Variants in PLXNC1 observed in about 807,000 individuals in gnomAD.
The protein encoded by PLXNC1 is plexin C1, also known as plexin-C1.
A neutral mutation model predicts 178.2 loss-of-function variants in PLXNC1; 75 were observed. The observed-to-expected ratio is 0.42, with a 90% CI of 0.35 to 0.51. The LOEUF (loss-of-function observed/expected upper bound fraction) is 0.51. Ranked by LOEUF, PLXNC1 falls within the 20% of genes least tolerant of loss-of-function variation. The pLI is 0.02. For missense variants in PLXNC1, 1,503 were observed against 1,984.4 expected (o/e 0.76, Z 4.61); for synonymous variants, 790 against 779.9 (o/e 1.01, Z -0.22).
At chr12:94,232,549 C>G (rs1964133917) in intron 9 of PLXNC1, among the ~76,000 whole-genome samples, 1 of 152,224 alleles carries the variant, frequency 6.6e-6, no homozygotes, top group Non-Finnish European at 1.5e-5. Flanking sequence ...AATTAACTTA[C>G]AATCATTCAT....
Position 94,259,744 on chromosome 12 carries a change from C to T in PLXNC1, c.3251+10C>T, listed in dbSNP as rs1964943920. 1 of 1,591,470 alleles carries T rather than the reference C, an allele frequency of 6.3e-7. No individual in the cohort carries two copies. Among genetic ancestry groups the T allele is most frequent in the South Asian group, 1.2e-5 (1 of 86,928 alleles). Reference sequence around the variant, plus strand: ...TTTCTGTGAAGGACAGGTATTAGTCCATTCTTTGATGTTTTAAAAGCCTTT... The same window carrying T: ...TTTCTGTGAAGGACAGGTATTAGTCTATTCTTTGATGTTTTAAAAGCCTTT... On this transcript the variant is annotated intron_variant, in intron 19 of 30. Transcript: ENST00000258526.
intron 7 of PLXNC1, among the ~76,000 whole-genome samples, chr12:94,226,144 G>C (rs1963931890): frequency 6.6e-6 from 1 of 152,214 alleles, no homozygotes; most frequent in African/African-American, 2.4e-5. Flanking sequence ...GCAAACACAG[G>C]CACCTCGTTG....
At chr12:94,210,766 AAATAAT>A (rs1490764698) in intron 5 of PLXNC1, among the ~76,000 whole-genome samples, 1 of 152,200 alleles carries the variant, frequency 6.6e-6, no homozygotes, top group Non-Finnish European at 1.5e-5. Flanking sequence ...TGGAGAAAAA[AAATAAT>A]AATAATAACT....
chr12:94,277,867 G>T (rs762276458), intron 21 of PLXNC1: 1 of 447,340 alleles, frequency 2.2e-6, no homozygotes, highest in South Asian at 1.6e-5. Context: ...AACAATGCTA[G>T]AAGGCCGGTA....
rs1222334114 is a variant in PLXNC1, at chr12:94,294,493, A to G, written c.3887A>G (p.Asn1296Ser). Residue 1296 changes from asparagine (N) to serine (S), a missense_variant, in exon 24 of 31, where the codon AAT becomes AGT. Physicochemically the swap from Asn to Ser is conservative, Grantham distance 46. Transcript: ENST00000258526. Reference sequence around the variant, plus strand: ...TTTTATCTTTGGTTTCAGATATCAAATGGATCCACTATAAAAGTCTTTAAG... The same window carrying G: ...TTTTATCTTTGGTTTCAGATATCAAGTGGATCCACTATAAAAGTCTTTAAG... ...LNTIGHYEIS[N>S]GSTIKVFKKI... is the part of the protein sequence containing the mutation. 1.5e-6 allele frequency: 2 copies of G among 1,300,022 alleles called. No homozygotes were observed. Among genetic ancestry groups the G allele is most frequent in the African/African-American group, 2.9e-5 (2 of 68,634 alleles). The allele number at this position is 1,300,022 out of a possible 1,614,324, so 80.5% of individuals were successfully genotyped here. A position where few individuals can be genotyped will look rare whatever the true frequency, so the allele number is the denominator to read the frequency against.
chr12:94,239,178 G>GA (rs1964315394), intron 10 of PLXNC1, among the ~76,000 whole-genome samples: 1 of 152,180 alleles, frequency 6.6e-6, no homozygotes, highest in Non-Finnish European at 1.5e-5. Context: ...AACCACATCT[G>GA]TGTGGTGAAG....
chr12:94,285,931 G>A (rs1966814646), intron 23 of PLXNC1, among the ~76,000 whole-genome samples: 1 of 152,194 alleles, frequency 6.6e-6, no homozygotes, highest in East Asian at 1.9e-4. Flanking sequence ...GGCATGGGGT[G>A]GGCCGCAGAG....
intron 10 of PLXNC1, among the ~76,000 whole-genome samples, chr12:94,239,771 G>T (rs779221876): frequency 6.6e-6 from 1 of 152,210 alleles, no homozygotes; most frequent in Non-Finnish European, 1.5e-5. Context: ...TCCCAGCCTG[G>T]ATACTCCTTA....
At chr12:94,283,541 G>A (rs1001822297) in intron 23 of PLXNC1, among the ~76,000 whole-genome samples, 1 of 152,166 alleles carries the variant, frequency 6.6e-6, no homozygotes, top group Non-Finnish European at 1.5e-5. Flanking sequence ...AAGTAATTTG[G>A]CTGTACGGGA....
rs755219580 is a variant in PLXNC1, at chr12:94,186,394, A to G, written c.1360A>G (p.Asn454Asp). ...GKEVRRIRVA[N>D]CNKHKSCSEC... is the part of the protein sequence containing the mutation. ...TTAGGTGAGGAGAATTCGTGTTGCA[A>G]ACTGCAATAAACATAAATCCTGTTC... The change falls in exon 4 of 31, where the codon AAC becomes GAC. Residue 454 changes from asparagine to aspartate, a missense_variant. Physicochemically the swap from Asn to Asp is conservative, Grantham distance 23 (BLOSUM62 1). Around this residue, in one of 4 missense-constraint regions of PLXNC1, gnomAD observed 615 missense variants for 698.6 expected, o/e 0.88. Transcript: ENST00000258526. 5.0e-6 allele frequency: 8 copies of G among 1,613,110 alleles called. No individual in the cohort carries two copies. Among genetic ancestry groups the G allele is most frequent in the Admixed American group, 1.7e-5 (1 of 60,022 alleles).
At chr12:94,191,661 G>A (rs1962728721) in intron 4 of PLXNC1, among the ~76,000 whole-genome samples, 1 of 151,892 alleles carries the variant, frequency 6.6e-6, no homozygotes, top group African/African-American at 2.4e-5. Context: ...GTGCATGCCT[G>A]TAATCCCAGC....
Position 94,306,561 on chromosome 12 carries a change from A to C in PLXNC1, c.*1276A>C, listed in dbSNP as rs1444698492. 6.6e-6 allele frequency: 1 copy of C among 152,180 alleles called. No individual in the cohort carries two copies. Among genetic ancestry groups the C allele is most frequent in the Non-Finnish European group, 1.5e-5 (1 of 68,030 alleles). The allele number at this position is 152,180 out of a possible 1,614,324, so 9.4% of individuals were successfully genotyped here. A position where few individuals can be genotyped will look rare whatever the true frequency, so the allele number is the denominator to read the frequency against. ...TAAACCAGAAGAAGTAAACAGCATA[A>C]TTGGCAACTCTTGAGCTTTTCTTGT... On this transcript the variant is annotated 3_prime_UTR_variant, in exon 31 of 31. Transcript: ENST00000258526.
At chr12:94,291,282 C>A (rs1340956957) in intron 23 of PLXNC1, among the ~76,000 whole-genome samples, 2 of 152,230 alleles carry the variant, frequency 1.3e-5, no homozygotes, top group African/African-American at 4.8e-5. Flanking sequence ...GTTGCCCAGG[C>A]TGGAGTGCAG....
At chr12:94,174,725 G>A (rs944576226) in intron 2 of PLXNC1, among the ~76,000 whole-genome samples, 7 of 152,330 alleles carry the variant, frequency 4.6e-5, no homozygotes, top group South Asian at 2.1e-4. Context: ...ACCTGGGACC[G>A]GAAGTGGTGG....
intron 6 of PLXNC1, among the ~76,000 whole-genome samples, chr12:94,220,678 C>T (rs1222490354): frequency 6.6e-6 from 1 of 152,162 alleles, no homozygotes; most frequent in Non-Finnish European, 1.5e-5. Context: ...GTAAGTAGCT[C>T]ATTACAATGC....
intron 4 of PLXNC1, among the ~76,000 whole-genome samples, chr12:94,197,434 C>CCCCT (rs1555198019): frequency 9.5e-4 from 10 of 10,562 alleles, no homozygotes; most frequent in South Asian, 6.7e-3. Context: ...ACATTAGGCC[C>CCCCT]CTTTCTCTCT....
At chr12:94,177,201 G>GTATATATATGTATATATATACGTA (rs1962116443) in intron 2 of PLXNC1, among the ~76,000 whole-genome samples, 2 of 61,694 alleles carry the variant, frequency 3.2e-5, no homozygotes, top group Admixed American at 1.9e-4. Context: ...ATATATATAC[G>GTATATATATGTATATATATACGTA]TATATATATA....
chr12:94,180,760 G>A (rs895174825), intron 2 of PLXNC1, among the ~76,000 whole-genome samples: 2 of 152,206 alleles, frequency 1.3e-5, no homozygotes, highest in African/African-American at 2.4e-5. Context: ...GCAAATACAT[G>A]TGGGAGCTAC....
chr12:94,168,550 A>G (rs1412485779), intron 1 of PLXNC1, among the ~76,000 whole-genome samples: 1 of 152,080 alleles, frequency 6.6e-6, no homozygotes, highest in Non-Finnish European at 1.5e-5. Flanking sequence ...CAGCCCTTCA[A>G]CTTGGTTCCT....
Sources: gnomAD v4.1 joint callset for allele counts (sites outside exome capture counted in the v4.1 genomes callset) on GRCh38, gnomAD v4.1.1 for gene constraint, gnomAD v4.1.1 regional missense constraint, MANE v1.5 for transcripts, NCBI Gene and HGNC (gene_info 2026-07-23, HGNC 2026-07-21) for gene names.